The following NKAIN2 variants were observed in gnomAD, a reference collection of about 807,000 sequenced individuals.
NKAIN2 encodes the protein sodium/potassium transporting ATPase interacting 2, also known as sodium/potassium-transporting ATPase subunit beta-1-interacting protein 2.
A neutral mutation model predicts 32.6 loss-of-function variants in NKAIN2; 14 were observed. The observed-to-expected ratio is 0.43, with a 90% confidence interval of 0.28 to 0.67. The LOEUF (loss-of-function observed/expected upper bound fraction) is 0.67. Ranked by LOEUF, NKAIN2 falls within the 30% of genes least tolerant of loss-of-function variation. NKAIN2 has a pLI of 0.17. For missense variants in NKAIN2, 198 were observed against 258.3 expected, an observed-to-expected ratio of 0.77 and a Z score of 1.60; for synonymous variants, 80 against 87.2, an observed-to-expected ratio of 0.92 and a Z score of 0.46.
chr6:124,145,940 C>A (rs1290248348), intron 1 of NKAIN2, among the ~76,000 whole-genome samples: 3 of 152,094 alleles, frequency 2.0e-5, no homozygotes, highest in African/African-American at 7.2e-5. Context: ...AGCTCATGAT[C>A]TTGACTGTGG....
intron 3 of NKAIN2, among the ~76,000 whole-genome samples, chr6:124,455,282 A>G (rs2114632560): frequency 6.6e-6 from 1 of 152,206 alleles, no homozygotes; most frequent in East Asian, 1.9e-4. Flanking sequence ...TTGACCTTCG[A>G]CATGAGCTGC....
intron 1 of NKAIN2, among the ~76,000 whole-genome samples, chr6:124,005,427 C>T (rs566001222): frequency 2.6e-5 from 4 of 151,660 alleles, no homozygotes; most frequent in African/African-American, 9.7e-5. Context: ...ACATTTCTCT[C>T]TGTTTAAATA....
At chr6:124,600,938 T>A (rs1226898567) in intron 3 of NKAIN2, among the ~76,000 whole-genome samples, 1 of 151,984 alleles carries the variant, frequency 6.6e-6, no homozygotes, top group Non-Finnish European at 1.5e-5. Flanking sequence ...AGATAAAAGA[T>A]CCCAAATGCC....
intron 1 of NKAIN2, among the ~76,000 whole-genome samples, chr6:124,054,736 T>TA (rs1782571965): frequency 6.6e-6 from 1 of 151,870 alleles, no homozygotes. Flanking sequence ...AACACACACA[T>TA]ACACCCCTAG....
intron 1 of NKAIN2, among the ~76,000 whole-genome samples, chr6:124,164,080 A>C (rs1273578715): frequency 6.6e-6 from 1 of 152,136 alleles, no homozygotes; most frequent in African/African-American, 2.4e-5. Context: ...AGTAAGGTAT[A>C]TGAAGAAGTC....
chr6:124,233,639 A>G (rs1341533978), intron 1 of NKAIN2, among the ~76,000 whole-genome samples: 2 of 152,140 alleles, frequency 1.3e-5, no homozygotes, highest in African/African-American at 4.8e-5. Flanking sequence ...AAACTTTAAG[A>G]TATGTTATAC....
intron 1 of NKAIN2, among the ~76,000 whole-genome samples, chr6:124,012,906 CA>C (rs1164236345): frequency 6.6e-6 from 1 of 151,894 alleles, no homozygotes; most frequent in African/African-American, 2.4e-5. Context: ...AGGAAACTAC[CA>C]GACTGTTTTT....
At chr6:124,706,779 A>G (rs1775095578) in intron 4 of NKAIN2, among the ~76,000 whole-genome samples, 1 of 152,160 alleles carries the variant, frequency 6.6e-6, no homozygotes, top group Non-Finnish European at 1.5e-5. Context: ...CAACTGAAAA[A>G]CTAAAATAAA....
At chr6:124,244,415 T>C (rs993116231) in intron 1 of NKAIN2, among the ~76,000 whole-genome samples, 3 of 151,920 alleles carry the variant, frequency 2.0e-5, no homozygotes, top group African/African-American at 7.3e-5. Flanking sequence ...ACAAAGGACA[T>C]GAACTCATCA....
chr6:124,337,735 T>G (rs992178926), intron 2 of NKAIN2, among the ~76,000 whole-genome samples: 2 of 152,202 alleles, frequency 1.3e-5, no homozygotes, highest in Non-Finnish European at 2.9e-5. Flanking sequence ...TTGAGCAGGT[T>G]GAGCAGACAG....
chr6:124,188,030 C>T (rs1443600586), intron 1 of NKAIN2, among the ~76,000 whole-genome samples: 2 of 152,086 alleles, frequency 1.3e-5, no homozygotes, highest in South Asian at 2.1e-4. Flanking sequence ...ATCTTTCCAC[C>T]GTAGATCCAG....
intron 1 of NKAIN2, among the ~76,000 whole-genome samples, chr6:124,031,071 A>T (rs1781378460): frequency 6.6e-6 from 1 of 151,406 alleles, no homozygotes; most frequent in South Asian, 2.1e-4. Flanking sequence ...GGGTGATGTT[A>T]CTGGGTTTTT....
intron 3 of NKAIN2, among the ~76,000 whole-genome samples, chr6:124,640,649 C>T (rs1342904579): frequency 6.6e-6 from 1 of 152,142 alleles, no homozygotes; most frequent in Non-Finnish European, 1.5e-5. Context: ...AAAATTCTGC[C>T]TCTAGCATCT....
chr6:124,390,762 A>C (rs1773105873), intron 3 of NKAIN2: 1 of 152,190 alleles, frequency 6.6e-6, no homozygotes, highest in Non-Finnish European at 1.5e-5. Context: ...GGAAGGAGCC[A>C]TGTTTATCAA....
At chr6:124,158,283 A>G (rs1211145335) in intron 1 of NKAIN2, among the ~76,000 whole-genome samples, 1 of 152,106 alleles carries the variant, frequency 6.6e-6, no homozygotes, top group Non-Finnish European at 1.5e-5. Context: ...GATGCTAGTT[A>G]TATAGGATTA....
chr6:124,151,448 A>G (rs1183138598), intron 1 of NKAIN2, among the ~76,000 whole-genome samples: 1 of 151,924 alleles, frequency 6.6e-6, no homozygotes, highest in African/African-American at 2.4e-5. Context: ...GTTTTTTTCC[A>G]GTGTGAGTGT....
intron 1 of NKAIN2, among the ~76,000 whole-genome samples, chr6:124,249,640 C>T (rs1262800440): frequency 2.0e-5 from 3 of 152,134 alleles, no homozygotes; most frequent in Non-Finnish European, 4.4e-5. Flanking sequence ...CACACACGCA[C>T]AACAAGGAAT....
chr6:124,575,873 A>G (rs1262764719), intron 3 of NKAIN2, among the ~76,000 whole-genome samples: 2 of 152,110 alleles, frequency 1.3e-5, no homozygotes, highest in Non-Finnish European at 2.9e-5. Context: ...GTTAAAAAAT[A>G]TTTTCTTTAT....
At chr6:124,624,479 A>G (rs1783228033) in intron 3 of NKAIN2, among the ~76,000 whole-genome samples, 1 of 152,196 alleles carries the variant, frequency 6.6e-6, no homozygotes, top group Non-Finnish European at 1.5e-5. Flanking sequence ...GTTCAGTTGT[A>G]ATGTTTAAAT....
Sources: allele counts gnomAD v4.1 joint callset (sites outside exome capture counted in the v4.1 genomes callset), GRCh38; gene constraint gnomAD v4.1.1; transcripts MANE v1.5; gene names NCBI Gene and HGNC (gene_info 2026-07-23, HGNC 2026-07-21).